Variants in TSNARE1 observed in about 807,000 individuals in gnomAD.
TSNARE1 encodes the protein t-SNARE domain-containing protein 1.
TSNARE1 carries 49 observed loss-of-function variants against 62.0 expected under a neutral mutation model. That is an observed-to-expected ratio of 0.79 (90% CI 0.63 to 1.00). The LOEUF is 1.00. TSNARE1 is among the 50% of genes least tolerant of loss of function. The pLI, the probability that TSNARE1 is intolerant of heterozygous loss-of-function variation, is 0.00. For missense variants in TSNARE1, 755 were observed against 700.1 expected (o/e 1.08, Z -0.88); for synonymous variants, 328 against 294.4 (o/e 1.11, Z -1.17).
At chr8:142,239,412 G>A (rs1437764344) in intron 12 of TSNARE1, among the ~76,000 whole-genome samples, 19 of 152,208 alleles carry the variant, frequency 1.2e-4, no homozygotes, top group Admixed American at 1.2e-3. Context: ...AGTAATCAGA[G>A]CTCAAGCGTT....
chr8:142,379,777 T>G (rs1836601163), intron 1 of TSNARE1, among the ~76,000 whole-genome samples: 1 of 152,108 alleles, frequency 6.6e-6, no homozygotes. Context: ...TGCCTCAGCC[T>G]CCAGGGCTCC....
chr8:142,263,003 T>G (rs982705902), intron 12 of TSNARE1, among the ~76,000 whole-genome samples: 2 of 152,220 alleles, frequency 1.3e-5, no homozygotes, highest in African/African-American at 4.8e-5. Flanking sequence ...GGAGTTCTTT[T>G]TATGAATAAA....
At chr8:142,227,374 A>G (rs1016472715) in intron 13 of TSNARE1, among the ~76,000 whole-genome samples, 1 of 94,308 alleles carries the variant, frequency 1.1e-5, no homozygotes, top group African/African-American at 5.8e-5. Context: ...GACAGCCAGG[A>G]CCCCCATCCT....
At chr8:142,251,977 C>T (rs1483883183) in intron 12 of TSNARE1, among the ~76,000 whole-genome samples, 5 of 139,724 alleles carry the variant, frequency 3.6e-5, no homozygotes, top group African/African-American at 1.1e-4. Flanking sequence ...CTTCAGGGCC[C>T]GGGCACCATG....
At position 142,319,536 on chromosome 8, in the gene TSNARE1, C is replaced by A. The variant is rs769862527; in HGVS notation, c.894-902G>T. ...AACGGTACCCCAGCCCGGCTGCAGGCACACACACCAAGTGCAGGGAGGACC... is the reference window on the plus strand; with the variant it reads ...AACGGTACCCCAGCCCGGCTGCAGGAACACACACCAAGTGCAGGGAGGACC... On this transcript the variant is annotated intron_variant, in intron 6 of 13. Coordinates refer to ENST00000524325, the MANE Select transcript of TSNARE1 (RefSeq NM_145003.5). The surrounding 1 kb of genome is among the most constrained non-coding windows in gnomAD (Gnocchi z 4.9). Among the ~76,000 whole-genome samples, 1 of 152,124 alleles carries A rather than the reference C, an allele frequency of 6.6e-6. No homozygotes were observed. The highest frequency in any genetic ancestry group is 3.2e-3 in the Middle Eastern group (1 of 316).
Position 142,363,259 on chromosome 8 carries a change from C to T in TSNARE1, c.-39-8496G>A, listed in dbSNP as rs189589565. Among the ~76,000 whole-genome samples, 915 of 152,310 alleles carry T rather than the reference C, an allele frequency of 6.0e-3. 10 individuals carry two copies. The highest frequency in any genetic ancestry group is 0.021 in the African/African-American group (858 of 41,560). On this transcript the variant is annotated intron_variant, in intron 1 of 13. Transcript: ENST00000524325. ...GAGGAAAGCGGGGAGCCTCTGGATC[C>T]TGTTTCCTGGTTCCTCTAGCTCAGT...
At chr8:142,315,665 C>T (rs912526597) in intron 7 of TSNARE1, among the ~76,000 whole-genome samples, 2 of 152,186 alleles carry the variant, frequency 1.3e-5, no homozygotes, top group African/African-American at 2.4e-5. Flanking sequence ...GGGCTGGACA[C>T]GCAGCCCTGG....
chr8:142,362,020 C>T (rs554519103), intron 1 of TSNARE1, among the ~76,000 whole-genome samples: 1 of 152,364 alleles, frequency 6.6e-6, no homozygotes, highest in South Asian at 2.1e-4. Flanking sequence ...TGAGGCGCCC[C>T]GATGGCCTGC....
chr8:142,248,358 C>G (rs903423886), intron 12 of TSNARE1, among the ~76,000 whole-genome samples: 1 of 152,208 alleles, frequency 6.6e-6, no homozygotes, highest in Non-Finnish European at 1.5e-5. Flanking sequence ...CTCCAGGATG[C>G]CCGCACAGCT....
chr8:142,228,800 G>C (rs1003234233), intron 13 of TSNARE1, among the ~76,000 whole-genome samples: 1 of 152,254 alleles, frequency 6.6e-6, no homozygotes, highest in Admixed American at 6.5e-5. Context: ...AGGAAGGAAG[G>C]ATGGAAAGAT....
At chr8:142,313,372 G>A (rs1827941625) in intron 9 of TSNARE1, among the ~76,000 whole-genome samples, 1 of 150,396 alleles carries the variant, frequency 6.6e-6, no homozygotes, top group Non-Finnish European at 1.5e-5. Context: ...TTATCTGTAT[G>A]TGTCTGCATG....
chr8:142,364,149 C>T (rs1563988299), intron 1 of TSNARE1, among the ~76,000 whole-genome samples: 1 of 152,210 alleles, frequency 6.6e-6, no homozygotes, highest in Non-Finnish European at 1.5e-5. Flanking sequence ...CCAGCTTCCA[C>T]ACTCAGGGTT....
chr8:142,223,298 CCACTCACTCATT>C (rs746722250), intron 13 of TSNARE1, among the ~76,000 whole-genome samples: 2,464 of 54,630 alleles, frequency 0.045, 750 homozygotes, highest in Middle Eastern at 0.1. Context: ...ACTCACTCAA[CCACTCACTCATT>C]CACTCACTCA....
chr8:142,280,931 C>T lies in TSNARE1; in HGVS notation c.1363+3482G>A, dbSNP rs572821960. ...ACAGAGCAGCTTGAAGCCCAGGCTC[C>T]GAGGGGATTGAGGGGCCGGCCTGGC... On this transcript the variant is annotated intron_variant, in intron 11 of 13. Transcript: ENST00000524325. Among the ~76,000 whole-genome samples, 10 of 152,206 alleles carry T rather than the reference C, an allele frequency of 6.6e-5. No homozygotes were observed. The East Asian group carries it at 1.2e-3, about 18-fold the overall frequency.
intron 12 of TSNARE1, among the ~76,000 whole-genome samples, chr8:142,251,899 G>A (rs1373166570): frequency 7.7e-5 from 11 of 142,494 alleles, no homozygotes; most frequent in African/African-American, 2.9e-4. Flanking sequence ...CGGGCACCAT[G>A]TACCTGCCGC....
At chr8:142,308,836 G>A (rs1827125227) in intron 9 of TSNARE1, among the ~76,000 whole-genome samples, 1 of 152,146 alleles carries the variant, frequency 6.6e-6, no homozygotes, top group African/African-American at 2.4e-5. Context: ...ATTGTATTGA[G>A]CCTACAGATT....
chr8:142,317,684 G>T (rs977796277), intron 7 of TSNARE1, among the ~76,000 whole-genome samples: 2 of 152,226 alleles, frequency 1.3e-5, no homozygotes, highest in Non-Finnish European at 2.9e-5. Context: ...AGGGCCAGGC[G>T]TGGTGGCTCA....
At chr8:142,366,388 A>G (rs1389910026) in intron 1 of TSNARE1, among the ~76,000 whole-genome samples, 2 of 152,224 alleles carry the variant, frequency 1.3e-5, no homozygotes, top group Admixed American at 6.5e-5. Context: ...TTACAAATGA[A>G]TGTTATAAAT....
chr8:142,250,962 G>T (rs767878469), intron 12 of TSNARE1, among the ~76,000 whole-genome samples: 1 of 152,232 alleles, frequency 6.6e-6, no homozygotes, highest in African/African-American at 2.4e-5. Flanking sequence ...GAAGGCCAAG[G>T]AAACCCCCGT....
Sources: allele counts gnomAD v4.1 joint callset (sites outside exome capture counted in the v4.1 genomes callset), GRCh38; gene constraint gnomAD v4.1.1; non-coding constraint Gnocchi (gnomAD v3.1); transcripts MANE v1.5; gene names NCBI Gene and HGNC (gene_info 2026-07-23, HGNC 2026-07-21).